ARAP1: variants seen among roughly 807,000 people sequenced by gnomAD.
The protein encoded by ARAP1 is ArfGAP with RhoGAP domain, ankyrin repeat and PH domain 1.
In ARAP1, 76 loss-of-function variants were observed where a neutral mutation model predicts 172.2. The ratio of observed to expected loss-of-function variants is 0.44; its 90% CI spans 0.37 to 0.53. The LOEUF (loss-of-function observed/expected upper bound fraction) is 0.53, where lower values mean the gene tolerates loss of function less well. ARAP1 is among the 20% of genes least tolerant of loss of function. ARAP1 has a pLI of 0.00. For synonymous variants in ARAP1, 804 were observed against 803.3 expected (o/e 1.00, Z -0.01); for missense variants, 1,686 against 1,977.5 (o/e 0.85, Z 2.80).
At chr11:72,747,612 G>T (rs960488526) in intron 1 of ARAP1, among the ~76,000 whole-genome samples, 7 of 152,204 alleles carry the variant, frequency 4.6e-5, no homozygotes, top group Admixed American at 3.3e-4. Context: ...GCCTGCTCTT[G>T]CTTTCCTTGG....
chr11:72,751,966 G>A (rs927619646), intron 1 of ARAP1, among the ~76,000 whole-genome samples: 2 of 152,220 alleles, frequency 1.3e-5, no homozygotes, highest in Non-Finnish European at 2.9e-5. Flanking sequence ...CAGGGCATAG[G>A]GTCGTACAGA....
chr11:72,748,969 T>C (rs549150306), intron 1 of ARAP1, among the ~76,000 whole-genome samples: 4 of 152,166 alleles, frequency 2.6e-5, no homozygotes, highest in South Asian at 4.2e-4. Context: ...AACCCTGGAG[T>C]GGCCACCCTT....
In ARAP1 at chr11:72,695,240, C is replaced by T; in HGVS notation, c.3577-143G>A. The stretch of plus-strand genomic sequence containing the variant: ...TAGAGAGGGGTATTTCTGAGTGGTC[C>T]TTAGGAGCAGACCCCAGCACCAGCC... On this transcript the variant is annotated intron_variant, in intron 26 of 34. Coordinates refer to ENST00000393609, the MANE Select transcript of ARAP1 (RefSeq NM_001040118.3). This position sits in a 1 kb window ranked among gnomAD's most constrained non-coding sequence, Gnocchi z 4.4. 2.2e-6 allele frequency: 3 copies of T among 1,347,994 alleles called. No homozygotes were observed. Among genetic ancestry groups the T allele is most frequent in the Non-Finnish European group, 3.1e-6 (3 of 960,704 alleles). 83.5% of individuals were successfully genotyped at this position (1,347,994 alleles called of 1,614,324 possible).
intron 16 of ARAP1, 121 bp downstream of exon 16, chr11:72,701,528 T>A: frequency 3.6e-6 from 5 of 1,374,144 alleles, no homozygotes; most frequent in Non-Finnish European, 4.9e-6. Flanking sequence ...ACAGACTATA[T>A]CCAGGAAGCC....
At chr11:72,721,949 TG>T (rs1857530700) in intron 3 of ARAP1, 36 of 986,436 alleles carry the variant, frequency 3.6e-5, no homozygotes, top group Non-Finnish European at 4.1e-5. Context: ...CGTGCAAGCC[TG>T]GGTCCCGCCT....
In ARAP1 at chr11:72,702,774, C is replaced by T. The variant is rs114879235; in HGVS notation, c.2167+131G>A. ...ATACACACTGACATGCAAACCCAAGCACACCCCAGCTCACACATGATTTAT... is the reference window on the plus strand; with the variant it reads ...ATACACACTGACATGCAAACCCAAGTACACCCCAGCTCACACATGATTTAT... On this transcript the variant is annotated intron_variant, in intron 15 of 34. Transcript: ENST00000393609. The T allele has an allele frequency of 1.3e-3, 1,528 of 1,187,892 alleles. 19 individuals carry two copies. The African/African-American group carries it at 0.022, about 17-fold the overall frequency. The allele number at this position is 1,187,892 out of a possible 1,614,324, so 73.6% of individuals were successfully genotyped here.
chr11:72,695,569 G>C lies in ARAP1; in HGVS notation c.3480C>G (p.Arg1160=). ...REEITAIVKM[R]VAGTASGTQH... is the part of the protein sequence containing the mutation. ...GGGTCCCACTGGCAGTGCCAGCCAC[G>C]CGCATCTTCACAATGGCAGTGATCT... The change falls in exon 25 of 35, where the codon CGC becomes CGG. Residue 1160 remains arginine (R), a synonymous_variant. Coordinates refer to ENST00000393609, the MANE Select transcript of ARAP1 (RefSeq NM_001040118.3). This position sits in a 1 kb window ranked among gnomAD's most constrained non-coding sequence, Gnocchi z 4.4. 1.9e-6 allele frequency: 3 copies of C among 1,614,054 alleles called. No individual in the cohort carries two copies. In the South Asian group the frequency reaches 3.3e-5, roughly 18 times the overall value.
chr11:72,743,780 T>A (rs55816648), intron 1 of ARAP1, among the ~76,000 whole-genome samples: 3,664 of 151,770 alleles, frequency 0.024, 142 homozygotes, highest in African/African-American at 0.084. Context: ...TGACTCTCAG[T>A]CCCCCTCAAC....
Position 72,693,573 on chromosome 11 carries a change from G to C in ARAP1, c.3809-103C>G. 1.3e-6 allele frequency: 2 copies of C among 1,544,974 alleles called. No homozygotes were observed. Among genetic ancestry groups the C allele is most frequent in the Non-Finnish European group, 1.8e-6 (2 of 1,142,098 alleles). The stretch of plus-strand genomic sequence containing the variant: ...CCCATCCTGCCCCAGCCTCTCCATA[G>C]AGGCCCACCCACTTGGCGCCCTCTG... On this transcript the variant is annotated intron_variant, in intron 28 of 34. Transcript: ENST00000393609. The surrounding 1 kb of genome is among the most constrained non-coding windows in gnomAD (Gnocchi z 4.6).
chr11:72,746,478 G>A (rs1858367576), intron 1 of ARAP1, among the ~76,000 whole-genome samples: 1 of 152,228 alleles, frequency 6.6e-6, no homozygotes, highest in African/African-American at 2.4e-5. Flanking sequence ...GGGTGACCCA[G>A]CCCAACTCGA....
chr11:72,714,080 C>T (rs1857166187), intron 4 of ARAP1, 72 bp downstream of exon 4: 22 of 1,368,194 alleles, frequency 1.6e-5, no homozygotes, highest in Non-Finnish European at 2.0e-5. Flanking sequence ...TCCTTGCATA[C>T]CTTCCAGAGG....
chr11:72,745,289 C>T (rs990215685), intron 1 of ARAP1, among the ~76,000 whole-genome samples: 8 of 148,260 alleles, frequency 5.4e-5, no homozygotes, highest in Non-Finnish European at 1.0e-4. Context: ...CACGGGTTCA[C>T]GCCATTCTCC....
intron 15 of ARAP1, among the ~76,000 whole-genome samples, chr11:72,702,230 G>C (rs1451639612): frequency 6.6e-6 from 1 of 152,178 alleles, no homozygotes; most frequent in Non-Finnish European, 1.5e-5. Context: ...CTGTCCCCAA[G>C]CCCAAGCCAG....
intron 1 of ARAP1, among the ~76,000 whole-genome samples, chr11:72,747,757 C>T: frequency 6.6e-6 from 1 of 152,216 alleles, no homozygotes; most frequent in East Asian, 1.9e-4. Flanking sequence ...CCACAAGACG[C>T]TTATCCCAGG....
In ARAP1 at chr11:72,693,661, G is replaced by A. The variant is rs776608180; in HGVS notation, c.3808+31C>T. 26 of 1,571,366 alleles carry A rather than the reference G, an allele frequency of 1.7e-5. No individual in the cohort carries two copies. The highest frequency in any genetic ancestry group is 2.7e-5 in the African/African-American group (2 of 73,834). The stretch of plus-strand genomic sequence containing the variant: ...CTGGCTCTGGAAGAGAGGACCACCC[G>A]GAGCCTGGCCACCCTGCAGGCACCA... On this transcript the variant is annotated intron_variant, in intron 28 of 34. Transcript: ENST00000393609. This position sits in a 1 kb window ranked among gnomAD's most constrained non-coding sequence, Gnocchi z 4.6.
Position 72,693,413 on chromosome 11 carries a change from A to G in ARAP1, c.3866T>C (p.Leu1289Pro). 6.2e-7 allele frequency: 1 copy of G among 1,613,900 alleles called. No homozygotes were observed. Among genetic ancestry groups the G allele is most frequent in the Non-Finnish European group, 8.5e-7 (1 of 1,179,844 alleles). ...ACCTGAGGGCAGGCCCAGGCCCAGG[A>G]GGCTGCGGTCCTCACGGAACTTCAT... ...GMMKFREDRS[L>P]LGLGLPSGGF... Residue 1289 changes from leucine (L) to proline (P), a missense_variant, in exon 29 of 35, where the codon CTC (leucine) becomes CCC (proline). By Grantham distance (98) the Leu-to-Pro change is moderately conservative (BLOSUM62 -3). Coordinates refer to ENST00000393609, the MANE Select transcript of ARAP1 (RefSeq NM_001040118.3). This position sits in a 1 kb window ranked among gnomAD's most constrained non-coding sequence, Gnocchi z 4.6.
intron 1 of ARAP1, among the ~76,000 whole-genome samples, chr11:72,751,679 A>T: frequency 6.6e-6 from 1 of 151,934 alleles, no homozygotes; most frequent in African/African-American, 2.4e-5. Context: ...GGTATATAGC[A>T]GAAACCACAG....
chr11:72,706,329 G>A (rs1856762235), intron 12 of ARAP1, among the ~76,000 whole-genome samples: 1 of 151,972 alleles, frequency 6.6e-6, no homozygotes, highest in Admixed American at 6.5e-5. Flanking sequence ...ACTCCTTCCT[G>A]CCATTCAGAT....
At chr11:72,736,389 C>T (rs1282415129) in intron 1 of ARAP1, among the ~76,000 whole-genome samples, 1 of 151,910 alleles carries the variant, frequency 6.6e-6, no homozygotes, top group African/African-American at 2.4e-5. Flanking sequence ...ACCACAGGAT[C>T]TCATGACCAA....
Sources: allele counts gnomAD v4.1 joint callset (sites outside exome capture counted in the v4.1 genomes callset), GRCh38; gene constraint gnomAD v4.1.1; non-coding constraint Gnocchi (gnomAD v3.1); transcripts MANE v1.5; gene names NCBI Gene and HGNC (gene_info 2026-07-23, HGNC 2026-07-21).